Variants in DOCK4 observed in about 807,000 individuals in gnomAD.
The protein encoded by DOCK4 is dedicator of cytokinesis 4.
DOCK4 carries 97 observed loss-of-function variants against 268.1 expected under a neutral mutation model. The observed-to-expected ratio is 0.36, with a 90% CI of 0.31 to 0.43. DOCK4 has a LOEUF of 0.43. Among genes scored for constraint, DOCK4 ranks in the 20% least tolerant of loss-of-function variants. The pLI is 1.00. For synonymous variants in DOCK4, 954 were observed against 887.2 expected, an observed-to-expected ratio of 1.08 and a Z score of -1.34; for missense variants, 2,145 against 2,455.7, an observed-to-expected ratio of 0.87 and a Z score of 2.67.
chr7:111,847,146 T>C lies in DOCK4; in HGVS notation c.2474-20A>G, dbSNP rs745466201. On this transcript the variant is annotated intron_variant, in intron 23 of 52. Transcript: ENST00000428084. ...GGGAATCTGAAGAGAGAAGAGTCAT[T>C]AGTGTCACATCTGTTGGAGTCCCAC... 1.2e-5 allele frequency: 19 copies of C among 1,613,104 alleles called. No individual in the cohort carries two copies. Among genetic ancestry groups the C allele is most frequent in the Middle Eastern group, 1.6e-4 (1 of 6,078 alleles).
chr7:111,899,065 A>G (rs868552308), intron 15 of DOCK4, among the ~76,000 whole-genome samples: 1 of 152,314 alleles, frequency 6.6e-6, no homozygotes, highest in Middle Eastern at 3.4e-3. Context: ...ATGTTTTCCT[A>G]CTTCAAGTCC....
At chr7:111,778,438 C>A in intron 35 of DOCK4, 69 bp from the exon 36 acceptor site, 1 of 960,426 alleles carries the variant, frequency 1.0e-6, no homozygotes, top group Non-Finnish European at 1.6e-6. Context: ...GCCTTTTACT[C>A]TGCTAAAGTT....
At position 111,823,826 on chromosome 7, in the gene DOCK4, T is replaced by G. The variant is rs187849586; in HGVS notation, c.2836-1370A>C. Among the ~76,000 whole-genome samples the G allele has an allele frequency of 4.7e-4, 72 of 152,308 alleles. 1 individual carries two copies. Among genetic ancestry groups the G allele is most frequent in the Admixed American group, 4.2e-3 (64 of 15,290 alleles). On this transcript the variant is annotated intron_variant, in intron 26 of 52. Coordinates refer to ENST00000428084, the MANE Select transcript of DOCK4 (RefSeq NM_001363540.2). ...TTATTTATCAAATACAATGACACATTACGTTAAACATGTAAGCTGCTTGAA... is the reference window on the plus strand; with the variant it reads ...TTATTTATCAAATACAATGACACATGACGTTAAACATGTAAGCTGCTTGAA...
In DOCK4 at chr7:111,984,295, C is replaced by A. The variant is rs371102312; in HGVS notation, c.549+11G>T. 9 of 1,606,944 alleles carry A rather than the reference C, an allele frequency of 5.6e-6. No individual in the cohort carries two copies. Among genetic ancestry groups the A allele is most frequent in the Non-Finnish European group, 7.6e-6 (9 of 1,176,826 alleles). The stretch of plus-strand genomic sequence containing the variant: ...GCAGGAAGACTGGAAGCCAAGATTT[C>A]CTGTACCTACCAATCGGTAGAGCTC... On this transcript the variant is annotated intron_variant, in intron 7 of 52. Transcript: ENST00000428084.
intron 1 of DOCK4, among the ~76,000 whole-genome samples, chr7:112,115,778 C>G (rs932778662): frequency 1.3e-5 from 2 of 152,176 alleles, no homozygotes; most frequent in South Asian, 4.1e-4. Flanking sequence ...AACTCCTAGG[C>G]TCAAGTGATC....
intron 1 of DOCK4, among the ~76,000 whole-genome samples, chr7:112,110,223 A>T (rs1413432571): frequency 6.6e-6 from 1 of 152,238 alleles, no homozygotes; most frequent in Non-Finnish European, 1.5e-5. Flanking sequence ...AAAAATTTAA[A>T]TACTAAAAAA....
chr7:112,103,936 T>A (rs2560651), intron 1 of DOCK4, among the ~76,000 whole-genome samples: 62,952 of 151,630 alleles, frequency 0.42, 13,420 homozygotes, highest in East Asian at 0.75. Context: ...ATAAGAATAA[T>A]CCTCAATAAT....
intron 1 of DOCK4, among the ~76,000 whole-genome samples, chr7:112,106,882 G>A (rs1811186602): frequency 6.6e-6 from 1 of 151,874 alleles, no homozygotes; most frequent in African/African-American, 2.4e-5. Context: ...GTCTGAAGGG[G>A]AAAAAAAAGC....
At chr7:111,871,829 A>G (rs1806451915) in intron 20 of DOCK4, among the ~76,000 whole-genome samples, 161 bp downstream of exon 20, 3 of 152,190 alleles carry the variant, frequency 2.0e-5, no homozygotes, top group Admixed American at 2.0e-4. Flanking sequence ...CTACCCATTT[A>G]AAAAGGGTGT....
intron 1 of DOCK4, among the ~76,000 whole-genome samples, chr7:112,046,628 C>G (rs1332188653): frequency 1.3e-5 from 2 of 152,234 alleles, no homozygotes; most frequent in East Asian, 3.9e-4. Context: ...TACTGCACTC[C>G]AGCCTGGGTG....
In DOCK4 at chr7:111,726,145, C is replaced by T. The variant is rs1196440452; in HGVS notation, c.*2129G>A. On this transcript the variant is annotated 3_prime_UTR_variant, in exon 53 of 53. Coordinates refer to ENST00000428084, the MANE Select transcript of DOCK4 (RefSeq NM_001363540.2). ...TCTGGTAATTTTATTTAATATTTAC[C>T]ATTCAGCAGCAACCAACATGAACAT... 1.3e-5 allele frequency: 2 copies of T among 152,522 alleles called. No individual in the cohort carries two copies. The highest frequency in any genetic ancestry group is 2.9e-5 in the Non-Finnish European group (2 of 68,012). 9.4% of individuals were successfully genotyped at this position (152,522 alleles called of 1,614,324 possible). A position where few individuals can be genotyped will look rare whatever the true frequency, so the allele number is the denominator to read the frequency against.
intron 1 of DOCK4, among the ~76,000 whole-genome samples, chr7:112,179,543 C>T (rs1429548629): frequency 6.6e-6 from 1 of 150,688 alleles, no homozygotes; most frequent in Non-Finnish European, 1.5e-5. Context: ...TTTTTTAACC[C>T]AGCTACATGC....
intron 30 of DOCK4, chr7:111,807,637 G>C (rs1414559589): frequency 2.0e-5 from 3 of 151,950 alleles, no homozygotes; most frequent in Non-Finnish European, 4.4e-5. Flanking sequence ...CACCACGCCT[G>C]GCTAATTTTT....
At chr7:111,947,612 A>G (rs1434436172) in intron 8 of DOCK4, among the ~76,000 whole-genome samples, 2 of 152,200 alleles carry the variant, frequency 1.3e-5, no homozygotes, top group Non-Finnish European at 2.9e-5. Flanking sequence ...CTGAGGGTGC[A>G]GAGATAAATT....
intron 1 of DOCK4, among the ~76,000 whole-genome samples, chr7:112,047,126 G>A (rs1458277858): frequency 6.6e-6 from 1 of 152,122 alleles, no homozygotes; most frequent in African/African-American, 2.4e-5. Context: ...CCTAATTCGT[G>A]GGACACTTTG....
intron 1 of DOCK4, among the ~76,000 whole-genome samples, chr7:112,193,041 A>G (rs1820115616): frequency 1.3e-5 from 2 of 152,140 alleles, no homozygotes; most frequent in Admixed American, 6.5e-5. Context: ...TCCTAACCCA[A>G]TGCCCCAACC....
chr7:112,094,230 A>T (rs77873256), intron 1 of DOCK4, among the ~76,000 whole-genome samples: 14 of 151,820 alleles, frequency 9.2e-5, no homozygotes, highest in Non-Finnish European at 5.9e-5. Context: ...GAAAAAAAAA[A>T]CTACAATGGT....
At chr7:112,101,402 T>C (rs1158811818) in intron 1 of DOCK4, among the ~76,000 whole-genome samples, 1 of 152,248 alleles carries the variant, frequency 6.6e-6, no homozygotes, top group Non-Finnish European at 1.5e-5. Context: ...GAAGAAAGGC[T>C]TGATTTGTAT....
chr7:111,767,027 C>T lies in DOCK4; in HGVS notation c.3915+5G>A. The T allele has an allele frequency of 1.2e-6, 2 of 1,612,812 alleles. No individual in the cohort carries two copies. Among genetic ancestry groups the T allele is most frequent in the Non-Finnish European group, 1.7e-6 (2 of 1,178,978 alleles). ...GCCTGATCAGGATGCATCCAGGCAC[C>T]TTACCCGCATCTTGCTCAGGTTTCT... On this transcript the variant is annotated splice_donor_5th_base_variant and intron_variant, in intron 38 of 52. Transcript: ENST00000428084.
Sources: gnomAD v4.1 joint callset for allele counts (sites outside exome capture counted in the v4.1 genomes callset) on GRCh38, gnomAD v4.1.1 for gene constraint, MANE v1.5 for transcripts, NCBI Gene and HGNC (gene_info 2026-07-23, HGNC 2026-07-21) for gene names.